ADAMTS17: variants seen among roughly 807,000 people sequenced by gnomAD.
The protein encoded by ADAMTS17 is ADAM metallopeptidase with thrombospondin type 1 motif 17, also known as A disintegrin and metalloproteinase with thrombospondin motifs 17.
In ADAMTS17, 113 loss-of-function variants were observed where a neutral mutation model predicts 141.5. The ratio of observed to expected loss-of-function variants is 0.80; its 90% CI spans 0.69 to 0.93. The LOEUF (loss-of-function observed/expected upper bound fraction) is 0.93. ADAMTS17 is among the 40% of genes least tolerant of loss of function. The pLI, the probability that ADAMTS17 is intolerant of heterozygous loss-of-function variation, is 0.00. For synonymous variants in ADAMTS17, 768 were observed against 630.6 expected (o/e 1.22, Z -3.27); for missense variants, 1,659 against 1,517.9 (o/e 1.09, Z -1.54).
intron 15 of ADAMTS17, among the ~76,000 whole-genome samples, chr15:100,072,060 T>A (rs1445640794): frequency 6.7e-6 from 1 of 148,848 alleles, no homozygotes; most frequent in Non-Finnish European, 1.5e-5. Flanking sequence ...CCGCAAAGTC[T>A]GAGGATACAA....
chr15:100,311,588 C>T (rs190023443), intron 3 of ADAMTS17, among the ~76,000 whole-genome samples: 1 of 152,290 alleles, frequency 6.6e-6, no homozygotes, highest in Non-Finnish European at 1.5e-5. Context: ...CAGGGGAGAA[C>T]TGGGAAGAGC....
At chr15:100,150,753 C>T (rs1309840974) in intron 10 of ADAMTS17, among the ~76,000 whole-genome samples, 3 of 152,208 alleles carry the variant, frequency 2.0e-5, no homozygotes, top group Admixed American at 6.5e-5. Context: ...GAGGACTCCA[C>T]AGTGGGCAGA....
chr15:100,210,999 C>T (rs1171637216), intron 7 of ADAMTS17, among the ~76,000 whole-genome samples: 1 of 151,886 alleles, frequency 6.6e-6, no homozygotes, highest in African/African-American at 2.4e-5. Context: ...TACTCGGGGG[C>T]TGAGGCAGGA....
intron 3 of ADAMTS17, among the ~76,000 whole-genome samples, chr15:100,311,109 T>G (rs577089775): frequency 6.6e-6 from 1 of 152,302 alleles, no homozygotes; most frequent in African/African-American, 2.4e-5. Flanking sequence ...AAGACCAGAG[T>G]GTCTGTTCTC....
chr15:100,221,371 A>C (rs2141787807), intron 7 of ADAMTS17, among the ~76,000 whole-genome samples: 1 of 152,266 alleles, frequency 6.6e-6, no homozygotes, highest in South Asian at 2.1e-4. Context: ...AAGGAGAGAA[A>C]AAATTTTGCT....
intron 6 of ADAMTS17, among the ~76,000 whole-genome samples, chr15:100,259,617 T>C (rs111977101): frequency 7.9e-4 from 121 of 152,362 alleles, no homozygotes; most frequent in Admixed American, 3.2e-3. Flanking sequence ...TTCTAAAATG[T>C]CTCTTCAATA....
intron 7 of ADAMTS17, among the ~76,000 whole-genome samples, chr15:100,220,044 T>A (rs551006184): frequency 7.2e-5 from 11 of 152,344 alleles, no homozygotes; most frequent in Non-Finnish European, 1.2e-4. Context: ...GGCTCATGTC[T>A]ATTCCTAATG....
chr15:99,993,248 G>A lies in ADAMTS17; in HGVS notation c.2797-48C>T, dbSNP rs1248572969. On this transcript the variant is annotated intron_variant, in intron 19 of 21. Coordinates refer to ENST00000268070, the MANE Select transcript of ADAMTS17 (RefSeq NM_139057.4). The surrounding 1 kb of genome is among the most constrained non-coding windows in gnomAD (Gnocchi z 4.3). Reference sequence around the variant, plus strand: ...TTAACCGAGTTCCAATTCGATTCAAGTCCATCAACAGCTATTAACTCCCTC... The same window carrying A: ...TTAACCGAGTTCCAATTCGATTCAAATCCATCAACAGCTATTAACTCCCTC... 1.2e-6 allele frequency: 2 copies of A among 1,612,082 alleles called. No homozygotes were observed. The highest frequency in any genetic ancestry group is 2.7e-5 in the African/African-American group (2 of 74,910).
chr15:100,026,359 C>T (rs1596257402), intron 18 of ADAMTS17, among the ~76,000 whole-genome samples: 1 of 152,186 alleles, frequency 6.6e-6, no homozygotes, highest in Non-Finnish European at 1.5e-5. Context: ...CATTCTTGTA[C>T]ATGTCTTGTA....
chr15:100,001,284 G>A (rs1181574819), intron 18 of ADAMTS17, among the ~76,000 whole-genome samples: 1 of 151,728 alleles, frequency 6.6e-6, no homozygotes, highest in Non-Finnish European at 1.5e-5. Context: ...AAGAGGCACA[G>A]AATAGGAGAT....
At chr15:100,329,590 C>T (rs1224183057) in intron 3 of ADAMTS17, among the ~76,000 whole-genome samples, 1 of 151,084 alleles carries the variant, frequency 6.6e-6, no homozygotes, top group Non-Finnish European at 1.5e-5. Flanking sequence ...GACCAAAGAC[C>T]CTGTTTCCTA....
chr15:100,061,688 C>G (rs1471734831), intron 15 of ADAMTS17, among the ~76,000 whole-genome samples: 1 of 152,250 alleles, frequency 6.6e-6, no homozygotes, highest in Admixed American at 6.5e-5. Flanking sequence ...AGGGCTGAGC[C>G]AGGCGGAGCA....
chr15:100,079,402 A>G (rs1193883431), intron 15 of ADAMTS17, among the ~76,000 whole-genome samples: 1 of 152,270 alleles, frequency 6.6e-6, no homozygotes, highest in African/African-American at 2.4e-5. Flanking sequence ...GACAACATGC[A>G]TGACTTGAAA....
intron 8 of ADAMTS17, among the ~76,000 whole-genome samples, chr15:100,176,548 A>G (rs1039838487): frequency 2.0e-5 from 3 of 152,206 alleles, no homozygotes; most frequent in Non-Finnish European, 4.4e-5. Flanking sequence ...CCAGCCTCCC[A>G]CAATGGTAAC....
At chr15:100,038,457 AG>A (rs1317523682) in intron 18 of ADAMTS17, among the ~76,000 whole-genome samples, 1 of 152,224 alleles carries the variant, frequency 6.6e-6, no homozygotes, top group Non-Finnish European at 1.5e-5. Flanking sequence ...CAATTTGTAG[AG>A]TATTGTTATC....
At chr15:100,193,419 G>A (rs1447126551) in intron 8 of ADAMTS17, among the ~76,000 whole-genome samples, 1 of 152,170 alleles carries the variant, frequency 6.6e-6, no homozygotes, top group Non-Finnish European at 1.5e-5. Flanking sequence ...AGCACAGCCG[G>A]GCTCAGCACT....
intron 4 of ADAMTS17, among the ~76,000 whole-genome samples, chr15:100,271,586 T>C (rs59199256): frequency 7.6e-4 from 8 of 10,508 alleles, no homozygotes; most frequent in East Asian, 0.071. Context: ...AATTGAATTG[T>C]TTTTTTTTTT....
chr15:100,047,641 G>A (rs1567085325), intron 18 of ADAMTS17, among the ~76,000 whole-genome samples: 1 of 152,056 alleles, frequency 6.6e-6, no homozygotes, highest in African/African-American at 2.4e-5. Flanking sequence ...GCTCAATCAT[G>A]CCCTTGAGCT....
intron 7 of ADAMTS17, among the ~76,000 whole-genome samples, chr15:100,232,915 G>C (rs1051377007): frequency 7.2e-5 from 11 of 152,174 alleles, no homozygotes; most frequent in Admixed American, 3.9e-4. Flanking sequence ...GGGACGCCGT[G>C]AATCTCCAAG....
Sources: allele counts gnomAD v4.1 joint callset (sites outside exome capture counted in the v4.1 genomes callset), GRCh38; gene constraint gnomAD v4.1.1; non-coding constraint Gnocchi (gnomAD v3.1); transcripts MANE v1.5; gene names NCBI Gene and HGNC (gene_info 2026-07-23, HGNC 2026-07-21).